Variants in RBFOX1 observed in about 807,000 individuals in gnomAD.
RBFOX1 encodes the protein RNA binding fox-1 homolog 1, also known as RNA binding protein fox-1 homolog 1.
A neutral mutation model predicts 57.7 loss-of-function variants in RBFOX1; 8 were observed. That is an observed-to-expected ratio of 0.14 (90% CI 0.08 to 0.25). The LOEUF (loss-of-function observed/expected upper bound fraction) is 0.25. Ranked by LOEUF, RBFOX1 falls within the 10% of genes least tolerant of loss-of-function variation. RBFOX1 has a pLI of 1.00. For missense variants in RBFOX1, 611 were observed against 548.5 expected (o/e 1.11, Z -1.14); for synonymous variants, 326 against 222.4 (o/e 1.47, Z -4.15).
chr16:6,449,838 C>G (rs973352459), intron 2 of RBFOX1, among the ~76,000 whole-genome samples: 2 of 152,162 alleles, frequency 1.3e-5, no homozygotes, highest in African/African-American at 4.8e-5. Context: ...CCACTGCCCC[C>G]TGAATCTGCA....
At chr16:6,583,692 C>CAGAAA (rs1252090257) in intron 2 of RBFOX1, among the ~76,000 whole-genome samples, 8 of 152,178 alleles carry the variant, frequency 5.3e-5, no homozygotes, top group African/African-American at 1.9e-4. Context: ...TCTTGTGGCT[C>CAGAAA]AGAAAACTGA....
intron 5 of RBFOX1, among the ~76,000 whole-genome samples, chr16:7,572,188 T>C (rs1163339470): frequency 6.6e-6 from 1 of 152,192 alleles, no homozygotes; most frequent in African/African-American, 2.4e-5. Flanking sequence ...GTCCCCTCTT[T>C]ATACAAGGGA....
chr16:7,156,071 C>T (rs2077056507), intron 4 of RBFOX1, among the ~76,000 whole-genome samples: 1 of 151,846 alleles, frequency 6.6e-6, no homozygotes, highest in Non-Finnish European at 1.5e-5. Flanking sequence ...AGAGTTTCAC[C>T]ATGTTGCTCA....
intron 4 of RBFOX1, among the ~76,000 whole-genome samples, chr16:7,335,796 C>G (rs556332380): frequency 6.6e-6 from 1 of 152,122 alleles, no homozygotes; most frequent in Admixed American, 6.6e-5. Flanking sequence ...AAATCAGAAT[C>G]TTTATCATAT....
chr16:5,326,087 AGAGTTC>A lies in RBFOX1; in HGVS notation c.219+85983_219+85988del, dbSNP rs544567555. On this transcript the variant is annotated intron_variant, in intron 1 of 2. Transcript: ENST00000585867. ...CACTCCCGTCAGACAGCAGTGTATG[AGAGTTC>A]CAGTTGCTCCACATCCTTGTCAGCA... Among the ~76,000 whole-genome samples the A allele has an allele frequency of 7.5e-3, 1,137 of 152,312 alleles. 8 individuals are homozygous for A. Among genetic ancestry groups the A allele is most frequent in the Middle Eastern group, 0.017 (5 of 294 alleles).
At chr16:5,850,476 C>T (rs77750570) in intron 3 of RBFOX1, among the ~76,000 whole-genome samples, 6,311 of 152,280 alleles carry the variant, frequency 0.041, 240 homozygotes, top group East Asian at 0.22. Context: ...GTGCTAGGTT[C>T]TCTAACAAAG....
At chr16:7,569,014 C>T (rs901954311) in intron 5 of RBFOX1, among the ~76,000 whole-genome samples, 5 of 151,224 alleles carry the variant, frequency 3.3e-5, no homozygotes, top group South Asian at 2.1e-4. Flanking sequence ...CTGACAATTA[C>T]GGTCATTGTC....
At chr16:6,787,666 A>G (rs1000168795) in intron 3 of RBFOX1, among the ~76,000 whole-genome samples, 1 of 152,108 alleles carries the variant, frequency 6.6e-6, no homozygotes, top group East Asian at 1.9e-4. Context: ...GATGAAAGAG[A>G]TTGCATCCCT....
chr16:5,844,164 A>G (rs1361597936), intron 3 of RBFOX1, among the ~76,000 whole-genome samples: 1 of 152,168 alleles, frequency 6.6e-6, no homozygotes, highest in Non-Finnish European at 1.5e-5. Context: ...TTTGCCCATC[A>G]CCTACCTTGA....
chr16:5,254,545 T>C (rs2062535291), intron 1 of RBFOX1, among the ~76,000 whole-genome samples: 1 of 152,218 alleles, frequency 6.6e-6, no homozygotes, highest in South Asian at 2.1e-4. Flanking sequence ...GATCTTCAGC[T>C]TCAGTTATGC....
At chr16:6,711,967 A>G (rs1189143072) in intron 3 of RBFOX1, among the ~76,000 whole-genome samples, 3 of 152,166 alleles carry the variant, frequency 2.0e-5, no homozygotes, top group Non-Finnish European at 4.4e-5. Flanking sequence ...TTGTAGCTGT[A>G]GCATTTTGTA....
At chr16:6,557,510 A>C (rs746345272) in intron 2 of RBFOX1, among the ~76,000 whole-genome samples, 14 of 150,362 alleles carry the variant, frequency 9.3e-5, no homozygotes, top group Non-Finnish European at 1.6e-4. Context: ...GTCTGCAGTA[A>C]TATATGGAAT....
chr16:6,833,373 G>C (rs114344762), intron 3 of RBFOX1, among the ~76,000 whole-genome samples: 3 of 151,996 alleles, frequency 2.0e-5, no homozygotes, highest in Non-Finnish European at 4.4e-5. Context: ...CACCATGTTG[G>C]TTCCGCTGTT....
At chr16:7,130,440 G>A (rs1010449808) in intron 4 of RBFOX1, among the ~76,000 whole-genome samples, 6 of 152,172 alleles carry the variant, frequency 3.9e-5, no homozygotes, top group African/African-American at 1.2e-4. Flanking sequence ...ACACTTTTGT[G>A]AACCACATCC....
chr16:5,642,719 C>G (rs916640338), intron 3 of RBFOX1, among the ~76,000 whole-genome samples: 2 of 152,140 alleles, frequency 1.3e-5, no homozygotes, highest in East Asian at 3.9e-4. Context: ...AGGGGGAGGA[C>G]TCATGTGCTC....
intron 7 of RBFOX1, among the ~76,000 whole-genome samples, chr16:7,593,256 C>T (rs941326708): frequency 6.6e-6 from 1 of 152,168 alleles, no homozygotes; most frequent in African/African-American, 2.4e-5. Flanking sequence ...AAGCAAGGCT[C>T]AGGAATCTTA....
intron 4 of RBFOX1, among the ~76,000 whole-genome samples, chr16:7,279,134 CT>C (rs112905560): frequency 0.12 from 16,660 of 133,906 alleles, 1,284 homozygotes; most frequent in South Asian, 0.25. Context: ...TTCTTTCTTT[CT>C]TTTTTTTTTA....
rs545484112 is a variant in RBFOX1 at position 7,034,075 on chromosome 16, G to A, written c.-15-17982G>A. 8.5e-5 allele frequency among the ~76,000 whole-genome samples: 13 copies of A among 152,292 alleles called. No homozygotes were observed. In the South Asian group the frequency reaches 1.2e-3, roughly 15 times the overall value. The stretch of plus-strand genomic sequence containing the variant: ...TAGGTATGGCAGGGGATGGGGACGC[G>A]GTGGTGCAGGTGTCCATGCCATGGC... On this transcript the variant is annotated intron_variant, in intron 3 of 15. Transcript: ENST00000550418.
intron 4 of RBFOX1, among the ~76,000 whole-genome samples, chr16:7,412,446 T>C (rs1055660455): frequency 2.0e-5 from 3 of 147,734 alleles, no homozygotes; most frequent in Non-Finnish European, 4.5e-5. Flanking sequence ...ATAGGGGAAA[T>C]TGTGGAGTAC....
Sources: allele counts gnomAD v4.1 joint callset (sites outside exome capture counted in the v4.1 genomes callset), GRCh38; gene constraint gnomAD v4.1.1; transcripts MANE v1.5; gene names NCBI Gene and HGNC (gene_info 2026-07-23, HGNC 2026-07-21).